TENM4: variants seen among roughly 807,000 people sequenced by gnomAD.
TENM4 encodes teneurin-4.
TENM4 carries 82 observed loss-of-function variants against 243.3 expected under a neutral mutation model. The observed-to-expected ratio is 0.34, with a 90% CI of 0.28 to 0.40. The LOEUF (loss-of-function observed/expected upper bound fraction) is 0.40. Ranked by LOEUF, TENM4 falls within the 10% of genes least tolerant of loss-of-function variation. TENM4 has a pLI of 1.00. For missense variants in TENM4, 3,138 were observed against 3,673.3 expected (o/e 0.85, Z 3.77); for synonymous variants, 1,412 against 1,456.3 (o/e 0.97, Z 0.69).
intron 12 of TENM4, among the ~76,000 whole-genome samples, chr11:78,850,841 A>C (rs573307113): frequency 8.2e-4 from 125 of 152,298 alleles, no homozygotes; most frequent in Middle Eastern, 3.4e-3. Context: ...CCATTTTCCA[A>C]ACAAGAAGAA....
At chr11:79,177,068 A>T (rs921810137) in intron 3 of TENM4, among the ~76,000 whole-genome samples, 2 of 152,126 alleles carry the variant, frequency 1.3e-5, no homozygotes, top group African/African-American at 2.4e-5. Context: ...CGTGCCACTT[A>T]TCTGTTCTAA....
intron 6 of TENM4, among the ~76,000 whole-genome samples, chr11:79,048,313 A>C (rs1176085380): frequency 6.6e-6 from 1 of 151,964 alleles, no homozygotes; most frequent in African/African-American, 2.4e-5. Flanking sequence ...AACACTCCCT[A>C]TCCTGCCTAA....
rs114073073 is a variant in TENM4 at position 79,212,462 on chromosome 11, T to C, written c.-163+3346A>G. On this transcript the variant is annotated intron_variant, in intron 3 of 33. Coordinates refer to ENST00000278550, the MANE Select transcript of TENM4 (RefSeq NM_001098816.3). The stretch of plus-strand genomic sequence containing the variant: ...GTCCCCTACTTTCTACCCTAAGCTT[T>C]TTATTAAATGTTCTTGGACTTAATT... Among the ~76,000 whole-genome samples, 696 of 152,318 alleles carry C rather than the reference T, an allele frequency of 4.6e-3. 6 individuals carry two copies. The highest frequency in any genetic ancestry group is 0.016 in the African/African-American group (657 of 41,580).
At chr11:78,755,386 C>T (rs548150695) in intron 19 of TENM4, among the ~76,000 whole-genome samples, 1 of 152,200 alleles carries the variant, frequency 6.6e-6, no homozygotes, top group South Asian at 2.1e-4. Flanking sequence ...CCAGGCTGGT[C>T]TCGAACTCCC....
intron 1 of TENM4, among the ~76,000 whole-genome samples, chr11:79,370,186 C>T (rs983238229): frequency 6.6e-6 from 1 of 152,268 alleles, no homozygotes; most frequent in African/African-American, 2.4e-5. Context: ...GAGCCAGGCT[C>T]CTGCTCACAG....
At chr11:79,016,367 A>C (rs1858774892) in intron 6 of TENM4, among the ~76,000 whole-genome samples, 1 of 152,170 alleles carries the variant, frequency 6.6e-6, no homozygotes, top group African/African-American at 2.4e-5. Context: ...AGATGAAGAA[A>C]AGGCGAGAAT....
intron 3 of TENM4, among the ~76,000 whole-genome samples, chr11:79,208,557 C>G (rs960862742): frequency 5.9e-5 from 9 of 152,198 alleles, no homozygotes; most frequent in African/African-American, 2.2e-4. Context: ...TGGGAAGAAG[C>G]TCGGCTTCAT....
chr11:79,261,548 G>A (rs1259295224), intron 2 of TENM4, among the ~76,000 whole-genome samples: 3 of 152,150 alleles, frequency 2.0e-5, no homozygotes, highest in South Asian at 2.1e-4. Flanking sequence ...CAGTATCTTC[G>A]GCTCTATATG....
At chr11:78,817,981 C>A (rs960097185) in intron 12 of TENM4, among the ~76,000 whole-genome samples, 1 of 152,152 alleles carries the variant, frequency 6.6e-6, no homozygotes, top group African/African-American at 2.4e-5. Flanking sequence ...CTTTTTCCCT[C>A]CCTCTTATTA....
intron 17 of TENM4, among the ~76,000 whole-genome samples, chr11:78,775,017 AG>A (rs1377809237): frequency 1.3e-5 from 2 of 152,242 alleles, no homozygotes; most frequent in Non-Finnish European, 2.9e-5. Context: ...TAGTTCTATG[AG>A]GTCCTCAAGA....
chr11:79,326,482 C>G (rs775909028), intron 1 of TENM4, among the ~76,000 whole-genome samples: 1 of 152,202 alleles, frequency 6.6e-6, no homozygotes, highest in Non-Finnish European at 1.5e-5. Flanking sequence ...TAACCTCCCC[C>G]TCGCCTAAAG....
intron 1 of TENM4, among the ~76,000 whole-genome samples, chr11:79,323,896 C>CAG (rs1172879253): frequency 6.6e-6 from 1 of 152,042 alleles, no homozygotes; most frequent in East Asian, 1.9e-4. Flanking sequence ...CACACACACA[C>CAG]ACACACATAT....
chr11:78,687,957 G>A (rs932904593), intron 29 of TENM4, 97 bp downstream of exon 29: 2 of 1,414,188 alleles, frequency 1.4e-6, no homozygotes, highest in South Asian at 1.4e-5. Context: ...CCTGTTCTTG[G>A]GCAGCTCCAG....
rs1020140094 is a variant in TENM4, at chr11:79,440,083, G to C, written c.-321+426C>G. 6.6e-6 allele frequency among the ~76,000 whole-genome samples: 1 copy of C among 152,082 alleles called. No homozygotes were observed. The highest frequency in any genetic ancestry group is 1.5e-5 in the Non-Finnish European group (1 of 67,996). ...AGCCGCTGAAGCCCGGCGCCGCCTC[G>C]CGGGCTCCTCCAGCGCCCGACGGGG... On this transcript the variant is annotated intron_variant, in intron 1 of 33. Coordinates refer to ENST00000278550, the MANE Select transcript of TENM4 (RefSeq NM_001098816.3). This position sits in a 1 kb window ranked among gnomAD's most constrained non-coding sequence, Gnocchi z 4.7.
chr11:79,331,577 C>G (rs1484949060), intron 1 of TENM4, among the ~76,000 whole-genome samples: 1 of 152,146 alleles, frequency 6.6e-6, no homozygotes, highest in Admixed American at 6.5e-5. Context: ...GATACAGTGT[C>G]CCCAACATCT....
chr11:79,178,878 T>G (rs770812309), intron 3 of TENM4, among the ~76,000 whole-genome samples: 12 of 152,366 alleles, frequency 7.9e-5, no homozygotes, highest in Middle Eastern at 6.8e-3. Context: ...TAGGATACAC[T>G]AATTTCATAG....
intron 6 of TENM4, among the ~76,000 whole-genome samples, chr11:78,963,717 G>A (rs1341175109): frequency 7.1e-6 from 1 of 140,472 alleles, no homozygotes; most frequent in Non-Finnish European, 1.5e-5. Context: ...TATAGGATTT[G>A]GCAGGTTCCA....
chr11:78,842,839 C>T (rs1421093485), intron 12 of TENM4, among the ~76,000 whole-genome samples: 2 of 152,192 alleles, frequency 1.3e-5, no homozygotes, highest in East Asian at 1.9e-4. Context: ...GGGTGGTAGG[C>T]AGAAAATATT....
intron 1 of TENM4, among the ~76,000 whole-genome samples, chr11:79,381,063 G>T (rs1318484481): frequency 3.3e-5 from 5 of 152,156 alleles, no homozygotes; most frequent in Non-Finnish European, 1.5e-5. Flanking sequence ...GATCCTCCGA[G>T]GCCTCTGGCA....
Sources: gnomAD v4.1 joint callset for allele counts (sites outside exome capture counted in the v4.1 genomes callset) on GRCh38, gnomAD v4.1.1 for gene constraint, Gnocchi (gnomAD v3.1) non-coding constraint, MANE v1.5 for transcripts, NCBI Gene and HGNC (gene_info 2026-07-23, HGNC 2026-07-21) for gene names.